Variants in SOX6 observed in about 807,000 individuals in gnomAD.
SOX6 encodes transcription factor SOX-6.
SOX6 carries 11 observed loss-of-function variants against 97.8 expected under a neutral mutation model. The ratio of observed to expected loss-of-function variants is 0.11; its 90% CI spans 0.07 to 0.19. The LOEUF is 0.19. Ranked by LOEUF, SOX6 falls within the 10% of genes least tolerant of loss-of-function variation. The pLI, the probability that SOX6 is intolerant of heterozygous loss-of-function variation, is 1.00. For synonymous variants in SOX6, 360 were observed against 371.4 expected, an observed-to-expected ratio of 0.97 and a Z score of 0.35; for missense variants, 810 against 1,039.5, an observed-to-expected ratio of 0.78 and a Z score of 3.04.
chr11:16,615,939 A>G (rs1848466403), intron 3 of SOX6, among the ~76,000 whole-genome samples: 1 of 152,206 alleles, frequency 6.6e-6, no homozygotes, highest in African/African-American at 2.4e-5. Flanking sequence ...TAAAACACAG[A>G]AAGGAAAAAT....
rs115712738 is a variant in SOX6 at position 16,471,991 on chromosome 11, A to G, written c.-5+4324T>C. 3.1e-3 allele frequency among the ~76,000 whole-genome samples: 473 copies of G among 152,350 alleles called. 4 individuals carry two copies. Among genetic ancestry groups the G allele is most frequent in the African/African-American group, 0.011 (446 of 41,590 alleles). ...GTTTGTTTGTTTGAAGTGGAACTCC[A>G]GAAATAACCATACAGAAACGACATC... On this transcript the variant is annotated intron_variant, in intron 1 of 15. Coordinates refer to the SOX6 transcript ENST00000396356.
At chr11:16,689,465 A>G (rs974515695) in intron 3 of SOX6, among the ~76,000 whole-genome samples, 13 of 152,182 alleles carry the variant, frequency 8.5e-5, no homozygotes, top group African/African-American at 2.9e-4. Flanking sequence ...CTGATGTCCA[A>G]TGGCTTGAAA....
At chr11:16,554,731 T>C (rs1029478248) in intron 4 of SOX6, among the ~76,000 whole-genome samples, 8 of 152,192 alleles carry the variant, frequency 5.3e-5, no homozygotes, top group African/African-American at 1.9e-4. Flanking sequence ...TATAAACTAT[T>C]AGAATTAAAA....
chr11:16,377,928 C>A (rs954884500), intron 1 of SOX6, among the ~76,000 whole-genome samples: 1 of 152,068 alleles, frequency 6.6e-6, no homozygotes, highest in South Asian at 2.1e-4. Context: ...AACTGTTGGG[C>A]GGAGCATAAA....
At chr11:16,327,143 T>C (rs896477153) in intron 2 of SOX6, among the ~76,000 whole-genome samples, 5 of 152,150 alleles carry the variant, frequency 3.3e-5, no homozygotes, top group African/African-American at 7.2e-5. Flanking sequence ...TTCTATTCAA[T>C]AGTGAGTCAC....
At chr11:15,997,240 A>G (rs958451951) in intron 13 of SOX6, among the ~76,000 whole-genome samples, 6 of 152,216 alleles carry the variant, frequency 3.9e-5, no homozygotes, top group African/African-American at 1.4e-4. Flanking sequence ...TTTATAACGA[A>G]GAACTTATCC....
At chr11:16,393,336 T>TTGC (rs1858241726) in intron 1 of SOX6, among the ~76,000 whole-genome samples, 1 of 152,084 alleles carries the variant, frequency 6.6e-6, no homozygotes, top group Non-Finnish European at 1.5e-5. Context: ...GCAACAAGAT[T>TTGC]TGGCTTTTAC....
chr11:16,696,232 A>G (rs1190692938), intron 3 of SOX6, among the ~76,000 whole-genome samples: 2 of 152,248 alleles, frequency 1.3e-5, no homozygotes, highest in African/African-American at 4.8e-5. Flanking sequence ...AATGGTAATG[A>G]CAAGATTTTC....
At chr11:16,697,552 TGAA>T (rs1397317336) in intron 3 of SOX6, among the ~76,000 whole-genome samples, 1 of 152,136 alleles carries the variant, frequency 6.6e-6, no homozygotes, top group Non-Finnish European at 1.5e-5. Context: ...GAGAATTGCT[TGAA>T]GCCGAGATCG....
chr11:16,549,862 A>G (rs1182285951), intron 4 of SOX6, among the ~76,000 whole-genome samples: 1 of 152,226 alleles, frequency 6.6e-6, no homozygotes, highest in Admixed American at 6.5e-5. Context: ...TACGTACTTT[A>G]TGATTCCACT....
intron 1 of SOX6, among the ~76,000 whole-genome samples, chr11:16,737,655 A>G (rs1848402952): frequency 6.6e-6 from 1 of 152,220 alleles, no homozygotes; most frequent in Non-Finnish European, 1.5e-5. Flanking sequence ...AGTCTTCAGT[A>G]TCTGAACAAT....
intron 3 of SOX6, among the ~76,000 whole-genome samples, chr11:16,612,551 C>T (rs563799413): frequency 7.0e-6 from 1 of 142,484 alleles, no homozygotes; most frequent in East Asian, 2.1e-4. Context: ...TAGAAGGGTA[C>T]TCACTTCTTT....
intron 4 of SOX6, among the ~76,000 whole-genome samples, chr11:16,609,127 A>T (rs554352034): frequency 6.6e-6 from 1 of 152,350 alleles, no homozygotes; most frequent in Non-Finnish European, 1.5e-5. Context: ...GGACCAGGAC[A>T]GGGAATAATC....
chr11:16,672,639 T>C (rs1847855608), intron 3 of SOX6, among the ~76,000 whole-genome samples: 1 of 152,174 alleles, frequency 6.6e-6, no homozygotes, highest in African/African-American at 2.4e-5. Context: ...GCCCCCATAA[T>C]TCAACCACCT....
chr11:16,122,287 A>C (rs1053554555), intron 6 of SOX6, among the ~76,000 whole-genome samples: 2 of 152,050 alleles, frequency 1.3e-5, no homozygotes, highest in Non-Finnish European at 2.9e-5. Flanking sequence ...ATTACTTTAG[A>C]TATTTCCAAA....
At chr11:16,494,509 A>G (rs1168300262) in intron 4 of SOX6, among the ~76,000 whole-genome samples, 1 of 152,230 alleles carries the variant, frequency 6.6e-6, no homozygotes, top group African/African-American at 2.4e-5. Flanking sequence ...ATAAAGTACC[A>G]TTTGTGTTAA....
chr11:16,394,163 T>C (rs1013673344), intron 1 of SOX6, among the ~76,000 whole-genome samples: 1 of 152,012 alleles, frequency 6.6e-6, no homozygotes, highest in Admixed American at 6.6e-5. Flanking sequence ...ATTTTTACTA[T>C]GCATATCATT....
At chr11:16,251,632 G>A (rs569411931) in intron 3 of SOX6, among the ~76,000 whole-genome samples, 1 of 152,154 alleles carries the variant, frequency 6.6e-6, no homozygotes, top group Admixed American at 6.5e-5. Flanking sequence ...GGTCCTGATT[G>A]CCACACTGGT....
At chr11:16,483,869 C>T (rs902601267) in intron 4 of SOX6, among the ~76,000 whole-genome samples, 2 of 152,210 alleles carry the variant, frequency 1.3e-5, no homozygotes, top group African/African-American at 4.8e-5. Context: ...CCTTAACGTT[C>T]TCAGCAAATG....
Sources: allele counts gnomAD v4.1 joint callset (sites outside exome capture counted in the v4.1 genomes callset), GRCh38; gene constraint gnomAD v4.1.1; transcripts MANE v1.5; gene names NCBI Gene and HGNC (gene_info 2026-07-23, HGNC 2026-07-21).